The following FRA10AC1 variants were observed in gnomAD, a reference collection of about 807,000 sequenced individuals.
FRA10AC1 encodes protein FRA10AC1.
A neutral mutation model predicts 56.5 loss-of-function variants in FRA10AC1; 43 were observed. The ratio of observed to expected loss-of-function variants is 0.76; its 90% CI spans 0.60 to 0.98. The LOEUF (loss-of-function observed/expected upper bound fraction) is 0.98. Among genes scored for constraint, FRA10AC1 ranks in the 50% least tolerant of loss-of-function variants. The pLI is 0.00. For missense variants in FRA10AC1, 346 were observed against 351.8 expected (o/e 0.98, Z 0.13); for synonymous variants, 112 against 110.5 (o/e 1.01, Z -0.09).
intron 1 of FRA10AC1, among the ~76,000 whole-genome samples, chr10:93,701,774 T>C (rs1297817871): frequency 1.3e-5 from 2 of 152,130 alleles, no homozygotes; most frequent in South Asian, 2.1e-4. Context: ...CCTCACGTTC[T>C]TTACATCTTG....
rs373087843 is a variant in FRA10AC1 at position 93,694,867 on chromosome 10, C to T, written c.290G>A (p.Arg97His). ...TAAACTTCCTGATACTTACCCCAAA[C>T]GCTTGAAGTCTTCTTTTTTGCCACC... The part of the protein sequence containing the change: ...YYGGKKEDFK[R>H]LGENDKTDLD... The change falls in exon 5 of 14, where the codon CGT becomes CAT. Residue 97 changes from arginine to histidine, a missense_variant. Arg to His is a conservative substitution (Grantham distance 29, BLOSUM62 0). Coordinates refer to ENST00000359204, the MANE Select transcript of FRA10AC1 (RefSeq NM_145246.5). The T allele has an allele frequency of 3.3e-5, 52 of 1,580,314 alleles. No homozygotes were observed. The highest frequency in any genetic ancestry group is 3.1e-4 in the African/African-American group (23 of 74,548).
At chr10:93,683,347 T>C (rs2058968076) in intron 10 of FRA10AC1, among the ~76,000 whole-genome samples, 2 of 136,872 alleles carry the variant, frequency 1.5e-5, no homozygotes, top group Admixed American at 1.5e-4. Context: ...AATAAAAGCC[T>C]GATTTTAACT....
At chr10:93,684,499 T>TC (rs1491517881) in intron 9 of FRA10AC1, among the ~76,000 whole-genome samples, 7 of 42,880 alleles carry the variant, frequency 1.6e-4, no homozygotes, top group African/African-American at 2.8e-4. Context: ...TGTGGTCTCT[T>TC]TTTTTTTTTT....
At chr10:93,689,278 A>T (rs1003177761) in intron 7 of FRA10AC1, among the ~76,000 whole-genome samples, 15 of 151,866 alleles carry the variant, frequency 9.9e-5, no homozygotes, top group African/African-American at 1.7e-4. Flanking sequence ...TATTTTTTTT[A>T]AAAAATCATT....
chr10:93,696,922 G>C (rs1185163862), intron 4 of FRA10AC1, among the ~76,000 whole-genome samples: 1 of 152,180 alleles, frequency 6.6e-6, no homozygotes, highest in African/African-American at 2.4e-5. Flanking sequence ...CATGGACACA[G>C]GGAGGGGAAC....
chr10:93,676,835 C>T (rs1455904315), intron 11 of FRA10AC1, 144 bp from the exon 12 acceptor site: 2 of 1,281,944 alleles, frequency 1.6e-6, no homozygotes, highest in Non-Finnish European at 2.0e-6. Flanking sequence ...CTTTCATGTT[C>T]CTTAGTCTTA....
intron 11 of FRA10AC1, 96 bp downstream of exon 11, chr10:93,681,384 T>A (rs1395975834): frequency 2.5e-6 from 2 of 795,882 alleles, no homozygotes; most frequent in African/African-American, 3.7e-5. Context: ...TAAAATGAAA[T>A]TCTCAATGCA....
At chr10:93,685,121 C>T in intron 9 of FRA10AC1, 125 bp downstream of exon 9, 1 of 590,996 alleles carries the variant, frequency 1.7e-6, no homozygotes, top group Non-Finnish European at 3.0e-6. Context: ...TTGGGAAGCT[C>T]CAAGAAAAAA....
intron 1 of FRA10AC1, among the ~76,000 whole-genome samples, chr10:93,700,332 T>C (rs532587977): frequency 6.6e-6 from 1 of 152,258 alleles, no homozygotes; most frequent in Admixed American, 6.5e-5. Flanking sequence ...TAATTATCAT[T>C]AGGTGAACAA....
intron 7 of FRA10AC1, among the ~76,000 whole-genome samples, chr10:93,688,399 G>T (rs2059066964): frequency 6.6e-6 from 1 of 152,116 alleles, no homozygotes; most frequent in Non-Finnish European, 1.5e-5. Flanking sequence ...TTAGGGCAGT[G>T]CAAGTATTCT....
At position 93,668,480 on chromosome 10, in the gene FRA10AC1, A is replaced by G. The variant is rs184860574; in HGVS notation, c.*1346T>C. ...AGCACCTCCATAGACCCTTGCGACTAGGACCTTATGTTAAGAAGTTACATT... is the reference window on the plus strand; with the variant it reads ...AGCACCTCCATAGACCCTTGCGACTGGGACCTTATGTTAAGAAGTTACATT... On this transcript the variant is annotated 3_prime_UTR_variant, in exon 14 of 14. Coordinates refer to ENST00000359204, the MANE Select transcript of FRA10AC1 (RefSeq NM_145246.5). 467 of 152,378 alleles carry G rather than the reference A, an allele frequency of 3.1e-3. 1 individual carries two copies. The highest frequency in any genetic ancestry group is 0.014 in the Middle Eastern group (4 of 294). 9.4% of individuals were successfully genotyped at this position (152,378 alleles called of 1,614,324 possible).
At chr10:93,669,916 A>G in intron 13 of FRA10AC1, 48 bp from the exon 14 acceptor site, 2 of 918,038 alleles carry the variant, frequency 2.2e-6, no homozygotes, top group Non-Finnish European at 3.4e-6. Context: ...TAAAAAAATT[A>G]CTACATGATA....
At chr10:93,689,233 T>C (rs12254482) in intron 7 of FRA10AC1, among the ~76,000 whole-genome samples, 2,107 of 152,156 alleles carry the variant, frequency 0.014, 53 homozygotes, top group African/African-American at 0.049. Context: ...GTACTGGGAT[T>C]ACAGGCAAGA....
At chr10:93,680,044 A>C (rs923055448) in intron 11 of FRA10AC1, among the ~76,000 whole-genome samples, 1 of 152,196 alleles carries the variant, frequency 6.6e-6, no homozygotes, top group East Asian at 1.9e-4. Context: ...ATATGTACGC[A>C]TAATACGAAG....
At chr10:93,681,340 T>C in intron 11 of FRA10AC1, 140 bp downstream of exon 11, 2 of 583,048 alleles carry the variant, frequency 3.4e-6, no homozygotes, top group East Asian at 3.2e-5. Context: ...TAAGTTCATA[T>C]CTAAATTCTC....
chr10:93,670,586 G>C (rs1021745196), intron 13 of FRA10AC1, among the ~76,000 whole-genome samples, 184 bp downstream of exon 13: 3 of 152,116 alleles, frequency 2.0e-5, no homozygotes, highest in South Asian at 2.1e-4. Context: ...TTTACCAGGA[G>C]GAAGCTGGAT....
intron 12 of FRA10AC1, chr10:93,673,374 T>C (rs1204325116): frequency 4.4e-6 from 2 of 456,548 alleles, no homozygotes. Flanking sequence ...TCCAACATTC[T>C]TCCTACAATA....
chr10:93,673,428 C>G (rs1210371347), intron 12 of FRA10AC1: 4 of 450,158 alleles, frequency 8.9e-6, no homozygotes, highest in Non-Finnish European at 1.8e-5. Flanking sequence ...TCTTCTTGAC[C>G]TGCTTCAAGT....
chr10:93,693,386 C>T (rs1043467296), intron 5 of FRA10AC1, among the ~76,000 whole-genome samples: 10 of 149,018 alleles, frequency 6.7e-5, no homozygotes, highest in African/African-American at 2.5e-4. Context: ...CTAAGACACA[C>T]ACACACTATA....
Sources: allele counts gnomAD v4.1 joint callset (sites outside exome capture counted in the v4.1 genomes callset), GRCh38; gene constraint gnomAD v4.1.1; transcripts MANE v1.5; gene names NCBI Gene and HGNC (gene_info 2026-07-23, HGNC 2026-07-21).